The following RALY variants were observed in gnomAD, a reference collection of about 807,000 sequenced individuals.
RALY encodes the protein RALY heterogeneous nuclear ribonucleoprotein.
RALY carries 15 observed loss-of-function variants against 30.7 expected under a neutral mutation model. The ratio of observed to expected loss-of-function variants is 0.49; its 90% CI spans 0.33 to 0.75. RALY has a LOEUF of 0.75. RALY is among the 30% of genes least tolerant of loss of function. The pLI is 0.02. For missense variants in RALY, 339 were observed against 414.3 expected (o/e 0.82, Z 1.58); for synonymous variants, 177 against 170.8 (o/e 1.04, Z -0.28).
chr20:34,055,466 G>C (rs765771026), intron 2 of RALY, among the ~76,000 whole-genome samples: 5 of 152,130 alleles, frequency 3.3e-5, no homozygotes, highest in Non-Finnish European at 5.9e-5. Flanking sequence ...GGGCATGGGG[G>C]CTGTGGTATG....
chr20:34,003,800 T>C (rs934609283), intron 1 of RALY, among the ~76,000 whole-genome samples: 3 of 151,816 alleles, frequency 2.0e-5, no homozygotes, highest in East Asian at 1.9e-4. Context: ...CCACTACGCC[T>C]GGCTAATTTT....
intron 2 of RALY, among the ~76,000 whole-genome samples, chr20:34,042,359 T>G (rs1354471364): frequency 6.6e-6 from 1 of 152,246 alleles, no homozygotes; most frequent in Non-Finnish European, 1.5e-5. Flanking sequence ...GAGAGTAATG[T>G]GCCAAGGTCA....
chr20:34,018,515 C>T (rs771711932), intron 1 of RALY, among the ~76,000 whole-genome samples: 6 of 152,092 alleles, frequency 3.9e-5, no homozygotes, highest in Non-Finnish European at 5.9e-5. Flanking sequence ...TTCAAAATAC[C>T]CCTGAAATGA....
At chr20:34,060,763 TC>T (rs1392065868) in intron 2 of RALY, among the ~76,000 whole-genome samples, 2 of 152,190 alleles carry the variant, frequency 1.3e-5, no homozygotes, top group Admixed American at 6.5e-5. Context: ...GCTTTACCTC[TC>T]TGTATACTGT....
intron 2 of RALY, among the ~76,000 whole-genome samples, chr20:34,036,140 A>G (rs1005172307): frequency 7.0e-6 from 1 of 143,528 alleles, no homozygotes. Flanking sequence ...GACATCCATT[A>G]AAAAAAAAAA....
chr20:34,012,073 A>AG (rs975140284), intron 1 of RALY, among the ~76,000 whole-genome samples: 6 of 151,768 alleles, frequency 4.0e-5, no homozygotes, highest in African/African-American at 9.7e-5. Flanking sequence ...CTCAAAAAAA[A>AG]AAAAAAAGAA....
chr20:34,073,019 T>G (rs946039237), intron 3 of RALY, among the ~76,000 whole-genome samples: 4 of 151,812 alleles, frequency 2.6e-5, no homozygotes, highest in African/African-American at 9.7e-5. Flanking sequence ...TACCAGGTAT[T>G]TATTGAGACC....
chr20:34,078,564 C>T lies in RALY; in HGVS notation c.*4+11C>T. 1.3e-6 allele frequency: 2 copies of T among 1,560,366 alleles called. No homozygotes were observed. The highest frequency in any genetic ancestry group is 1.7e-6 in the Non-Finnish European group (2 of 1,153,794). On this transcript the variant is annotated intron_variant, in intron 9 of 9. Coordinates refer to ENST00000246194, the MANE Select transcript of RALY (RefSeq NM_016732.3). ...CCTTGCAGTAAGCAGGTACAGGGGT[C>T]CTGTCCTGATGGGCAGAGGGTGGGG...
intron 2 of RALY, among the ~76,000 whole-genome samples, chr20:34,058,708 A>G (rs2033329545): frequency 6.6e-6 from 1 of 152,210 alleles, no homozygotes; most frequent in African/African-American, 2.4e-5. Context: ...TGAGATGTCC[A>G]AGGTCACACA....
At chr20:34,078,580 G>T (rs1017678791) in intron 9 of RALY, 27 bp downstream of exon 9, 1 of 1,527,262 alleles carries the variant, frequency 6.5e-7, no homozygotes, top group African/African-American at 1.4e-5. Context: ...CTGATGGGCA[G>T]AGGGTGGGGA....
In RALY at chr20:34,008,244, T is replaced by G. The variant is rs114712741; in HGVS notation, c.-93+14113T>G. Reference sequence around the variant, plus strand: ...AGGGCAGCTACTCTTTTTTTTCTCTTGTGTTTGGCAAAGGTGTTATTGCTT... The same window carrying G: ...AGGGCAGCTACTCTTTTTTTTCTCTGGTGTTTGGCAAAGGTGTTATTGCTT... On this transcript the variant is annotated intron_variant, in intron 1 of 9. Transcript: ENST00000246194. 8.3e-3 allele frequency among the ~76,000 whole-genome samples: 1,264 copies of G among 152,268 alleles called. 17 individuals are homozygous for G. Among genetic ancestry groups the G allele is most frequent in the African/African-American group, 0.029 (1,211 of 41,536 alleles).
chr20:34,050,606 AG>A (rs1452874184), intron 2 of RALY, among the ~76,000 whole-genome samples: 1 of 152,166 alleles, frequency 6.6e-6, no homozygotes, highest in African/African-American at 2.4e-5. Context: ...GGCCCTTGTC[AG>A]GGTAGTCTCT....
chr20:33,996,474 G>T (rs1252102329), intron 1 of RALY, among the ~76,000 whole-genome samples: 1 of 152,110 alleles, frequency 6.6e-6, no homozygotes, highest in African/African-American at 2.4e-5. Context: ...AGCAACCTAT[G>T]AATTAAGTAC....
intron 2 of RALY, among the ~76,000 whole-genome samples, chr20:34,044,751 C>T (rs1277178862): frequency 6.6e-6 from 1 of 152,162 alleles, no homozygotes; most frequent in African/African-American, 2.4e-5. Flanking sequence ...TCCCCAGTTC[C>T]ACAAGCCCGT....
chr20:34,073,862 G>A lies in RALY; in HGVS notation c.373G>A (p.Asp125Asn), dbSNP rs1193755710. ...DYDYYRDDFY[D>N]RLFDYRGRLS... ...TGATTACTACCGGGACGACTTCTACGACAGGTGAGCAGGGGAGGGGCGTGC... is the reference window on the plus strand; with the variant it reads ...TGATTACTACCGGGACGACTTCTACAACAGGTGAGCAGGGGAGGGGCGTGC... The change falls in exon 5 of 10, where the codon GAC becomes AAC. Residue 125 changes from aspartate to asparagine, a missense_variant. By Grantham distance (23) the Asp-to-Asn change is conservative. Coordinates refer to ENST00000246194, the MANE Select transcript of RALY (RefSeq NM_016732.3). The A allele has an allele frequency of 5.6e-6, 9 of 1,613,930 alleles. No individual in the cohort carries two copies. The highest frequency in any genetic ancestry group is 2.2e-5 in the East Asian group (1 of 44,882).
At chr20:34,074,002 G>A (rs537052363) in intron 5 of RALY, 136 bp downstream of exon 5, 21 of 925,106 alleles carry the variant, frequency 2.3e-5, no homozygotes, top group South Asian at 1.8e-4. Context: ...TCCACCAGTC[G>A]GTAGCAGAGC....
At chr20:34,042,237 G>A (rs1413585187) in intron 2 of RALY, among the ~76,000 whole-genome samples, 7 of 152,118 alleles carry the variant, frequency 4.6e-5, no homozygotes, top group Non-Finnish European at 1.0e-4. Flanking sequence ...CCCCGCTCCC[G>A]CCGAGGCAGC....
intron 1 of RALY, chr20:33,994,387 TCCGCGGG>T (rs1210259762): frequency 1.3e-5 from 2 of 152,330 alleles, no homozygotes; most frequent in East Asian, 3.9e-4. Flanking sequence ...GTCTGCTCTC[TCCGCGGG>T]CCAAGTCTGG....
intron 6 of RALY, chr20:34,076,368 CA>C: frequency 6.0e-6 from 3 of 501,102 alleles, no homozygotes; most frequent in Non-Finnish European, 1.1e-5. Flanking sequence ...CTTAACTAAT[CA>C]CCCAGGAATT....
Sources: gnomAD v4.1 joint callset for allele counts (sites outside exome capture counted in the v4.1 genomes callset) on GRCh38, gnomAD v4.1.1 for gene constraint, MANE v1.5 for transcripts, NCBI Gene and HGNC (gene_info 2026-07-23, HGNC 2026-07-21) for gene names.